Variants in JMJD1C observed in about 807,000 individuals in gnomAD.
The protein encoded by JMJD1C is jumonji domain-containing protein 1C.
In JMJD1C, 31 loss-of-function variants were observed where a neutral mutation model predicts 245.3. The ratio of observed to expected loss-of-function variants is 0.13; its 90% CI spans 0.09 to 0.17. The LOEUF is 0.17. JMJD1C is among the 10% of genes least tolerant of loss of function. The probability of loss-of-function intolerance (pLI) is 1.00; values close to 1 mark genes in which losing one functional copy is unlikely to be tolerated. For missense variants in JMJD1C, 2,691 were observed against 3,000.2 expected (o/e 0.90, Z 2.41); for synonymous variants, 1,057 against 1,017.4 (o/e 1.04, Z -0.74).
chr10:63,314,578 C>G (rs1448611440), intron 2 of JMJD1C, among the ~76,000 whole-genome samples: 2 of 151,918 alleles, frequency 1.3e-5, no homozygotes, highest in Non-Finnish European at 1.5e-5. Context: ...ATTTTCCAAA[C>G]AATTAATCAT....
chr10:63,242,954 G>A (rs151125620), intron 3 of JMJD1C, among the ~76,000 whole-genome samples: 255 of 151,550 alleles, frequency 1.7e-3, no homozygotes, highest in African/African-American at 5.4e-3. Context: ...TGGTTAAGTG[G>A]TTATATGCCT....
chr10:63,368,992 G>T (rs527584505), intron 2 of JMJD1C, among the ~76,000 whole-genome samples: 1 of 152,058 alleles, frequency 6.6e-6, no homozygotes, highest in African/African-American at 2.4e-5. Context: ...ATCATCTAAT[G>T]TATCAGGAAA....
At chr10:63,449,230 ATTT>A (rs1270494514) in intron 1 of JMJD1C, among the ~76,000 whole-genome samples, 3 of 152,130 alleles carry the variant, frequency 2.0e-5, no homozygotes, top group African/African-American at 7.2e-5. Flanking sequence ...TGAATGAGAA[ATTT>A]TTTGTTACAG....
intron 3 of JMJD1C, among the ~76,000 whole-genome samples, chr10:63,258,151 T>C (rs1854215602): frequency 6.6e-6 from 1 of 152,252 alleles, no homozygotes; most frequent in Admixed American, 6.5e-5. Context: ...TACTGTATCA[T>C]TTCATTTAAT....
At chr10:63,371,588 G>A (rs1393379486) in intron 2 of JMJD1C, among the ~76,000 whole-genome samples, 1 of 152,072 alleles carries the variant, frequency 6.6e-6, no homozygotes, top group Non-Finnish European at 1.5e-5. Flanking sequence ...TAGCTAAACT[G>A]AATACACTTT....
intron 2 of JMJD1C, chr10:63,301,812 G>A: frequency 2.5e-6 from 1 of 404,854 alleles, no homozygotes; most frequent in East Asian, 7.9e-5. Flanking sequence ...GAACTTAAAA[G>A]TAAAATTAAA....
Position 63,214,289 on chromosome 10 carries a change from T to C in JMJD1C, c.1878A>G (p.Lys626=), listed in dbSNP as rs752681016. Residue 626 remains lysine (K), a synonymous_variant, in exon 8 of 26, where the codon AAA becomes AAG. Transcript: ENST00000399262. ...TGTGAGTATCTACTGAAGTATTAAG[T>C]TTAGATTTTATAGTCTCTGGAGGTG... ...RSPPPETIKS[K]LNTSVDTHKI... 3 of 1,614,014 alleles carry C rather than the reference T, an allele frequency of 1.9e-6. No individual in the cohort carries two copies. Among genetic ancestry groups the C allele is most frequent in the Non-Finnish European group, 2.5e-6 (3 of 1,179,948 alleles).
At chr10:63,186,941 C>T (rs1199727049) in intron 18 of JMJD1C, among the ~76,000 whole-genome samples, 1 of 151,946 alleles carries the variant, frequency 6.6e-6, no homozygotes, top group African/African-American at 2.4e-5. Flanking sequence ...TCTTGTAGTC[C>T]CAGCTCCCAA....
chr10:63,233,787 C>T (rs1850320517), intron 3 of JMJD1C, among the ~76,000 whole-genome samples: 1 of 150,344 alleles, frequency 6.7e-6, no homozygotes, highest in Non-Finnish European at 1.5e-5. Flanking sequence ...ACACACACCA[C>T]CACCAGGATA....
At chr10:63,289,137 A>G (rs1858342658) in intron 2 of JMJD1C, among the ~76,000 whole-genome samples, 1 of 152,046 alleles carries the variant, frequency 6.6e-6, no homozygotes, top group African/African-American at 2.4e-5. Context: ...GTTAGTACAC[A>G]TGGATAATAC....
At chr10:63,445,451 T>A (rs1034884424) in intron 1 of JMJD1C, among the ~76,000 whole-genome samples, 1 of 151,806 alleles carries the variant, frequency 6.6e-6, no homozygotes, top group Admixed American at 6.6e-5. Flanking sequence ...GAGAAACAAG[T>A]GCAAAGGCCA....
At chr10:63,202,274 C>T (rs1846107103) in intron 10 of JMJD1C, 1 of 982,716 alleles carries the variant, frequency 1.0e-6, no homozygotes, top group Non-Finnish European at 1.2e-6. Flanking sequence ...TAAATAAAAG[C>T]AAGCTATGTT....
intron 1 of JMJD1C, among the ~76,000 whole-genome samples, chr10:63,520,868 T>A (rs1589850152): frequency 6.6e-6 from 1 of 152,168 alleles, no homozygotes; most frequent in Admixed American, 6.5e-5. Flanking sequence ...CGGAGGCCTG[T>A]GCAAGAACCT....
intron 1 of JMJD1C, among the ~76,000 whole-genome samples, chr10:63,496,232 A>G (rs1371190966): frequency 2.0e-5 from 3 of 152,106 alleles, no homozygotes; most frequent in Middle Eastern, 3.2e-3. Flanking sequence ...AAAGTACAAG[A>G]AAATAAGAGA....
chr10:63,222,074 C>G (rs375926156), intron 3 of JMJD1C: 51 of 497,940 alleles, frequency 1.0e-4, no homozygotes, highest in South Asian at 8.3e-4. Flanking sequence ...ATATCTCTGA[C>G]AGCAAGTTCT....
At chr10:63,373,675 T>G (rs1946493266) in intron 2 of JMJD1C, among the ~76,000 whole-genome samples, 1 of 152,044 alleles carries the variant, frequency 6.6e-6, no homozygotes, top group Admixed American at 6.5e-5. Context: ...TTGTAGAAAA[T>G]TAAAGACAAA....
chr10:63,208,832 A>C (rs35531235), intron 9 of JMJD1C, 31 bp from the exon 10 acceptor site: 1 of 1,517,542 alleles, frequency 6.6e-7, no homozygotes, highest in Admixed American at 2.2e-5. Flanking sequence ...TATTTCTGTA[A>C]CCACTTTTTC....
At chr10:63,337,149 C>T (rs1001470390) in intron 2 of JMJD1C, among the ~76,000 whole-genome samples, 1 of 151,896 alleles carries the variant, frequency 6.6e-6, no homozygotes, top group Non-Finnish European at 1.5e-5. Flanking sequence ...CCAACTCTAG[C>T]CCTCTTAACT....
intron 2 of JMJD1C, among the ~76,000 whole-genome samples, chr10:63,326,617 C>G (rs1388163191): frequency 1.3e-5 from 2 of 151,896 alleles, no homozygotes; most frequent in Admixed American, 6.6e-5. Context: ...CAGTGGCTCA[C>G]GCGTGTAATC....
Sources: gnomAD v4.1 joint callset for allele counts (sites outside exome capture counted in the v4.1 genomes callset) on GRCh38, gnomAD v4.1.1 for gene constraint, MANE v1.5 for transcripts, NCBI Gene and HGNC (gene_info 2026-07-23, HGNC 2026-07-21) for gene names.